Variants in ACSS3 observed in about 807,000 individuals in gnomAD.
The protein encoded by ACSS3 is acyl-CoA synthetase short-chain family member 3, mitochondrial.
ACSS3 carries 64 observed loss-of-function variants against 84.2 expected under a neutral mutation model. That is an observed-to-expected ratio of 0.76 (90% CI 0.62 to 0.94). The LOEUF (loss-of-function observed/expected upper bound fraction) is 0.94. Among genes scored for constraint, ACSS3 ranks in the 40% least tolerant of loss-of-function variants. The pLI is 0.00. For missense variants in ACSS3, 815 were observed against 867.6 expected (o/e 0.94, Z 0.76); for synonymous variants, 317 against 310.1 (o/e 1.02, Z -0.23).
At chr12:81,176,690 A>G (rs1389041162) in intron 8 of ACSS3, among the ~76,000 whole-genome samples, 1 of 152,108 alleles carries the variant, frequency 6.6e-6, no homozygotes, top group Admixed American at 6.5e-5. Context: ...AAACCTACCA[A>G]CCAGAAAAAG....
chr12:81,157,784 G>C (rs200515998), intron 7 of ACSS3, among the ~76,000 whole-genome samples: 4 of 151,994 alleles, frequency 2.6e-5, no homozygotes, highest in African/African-American at 9.7e-5. Context: ...TCCAGCCTGG[G>C]CAACAGAGCA....
chr12:81,092,185 A>G (rs1041857880), intron 1 of ACSS3, among the ~76,000 whole-genome samples: 3 of 152,092 alleles, frequency 2.0e-5, no homozygotes, highest in African/African-American at 4.8e-5. Flanking sequence ...TTGTTAATGC[A>G]TTTGTTTCTT....
chr12:81,213,348 T>C (rs982643509), intron 9 of ACSS3, among the ~76,000 whole-genome samples: 1 of 152,088 alleles, frequency 6.6e-6, no homozygotes, highest in Admixed American at 6.5e-5. Context: ...TGAGGAAATA[T>C]GTATATGTTT....
intron 1 of ACSS3, among the ~76,000 whole-genome samples, chr12:81,083,897 G>A (rs1055332488): frequency 6.6e-6 from 1 of 152,010 alleles, no homozygotes; most frequent in Non-Finnish European, 1.5e-5. Context: ...TTGATCTAGG[G>A]AGTCAGAGCC....
intron 4 of ACSS3, among the ~76,000 whole-genome samples, chr12:81,141,942 C>A (rs1012701298): frequency 6.6e-6 from 1 of 152,114 alleles, no homozygotes; most frequent in Non-Finnish European, 1.5e-5. Flanking sequence ...AATGTGTTAG[C>A]TATAAATGTG....
chr12:81,221,951 C>T (rs1421327177), intron 11 of ACSS3, among the ~76,000 whole-genome samples: 1 of 152,042 alleles, frequency 6.6e-6, no homozygotes, highest in African/African-American at 2.4e-5. Flanking sequence ...TTTTAAACTC[C>T]TCATGGGTTT....
At position 81,249,492 on chromosome 12, in the gene ACSS3, C is replaced by G. The variant is rs144385564; in HGVS notation, c.1720-3815C>G. Among the ~76,000 whole-genome samples the G allele has an allele frequency of 1.6e-3, 240 of 152,156 alleles. 2 individuals are homozygous for G. The highest frequency in any genetic ancestry group is 5.6e-3 in the African/African-American group (232 of 41,550). On this transcript the variant is annotated intron_variant, in intron 13 of 15. Coordinates refer to ENST00000548058, the MANE Select transcript of ACSS3 (RefSeq NM_024560.4). ...GCCTTTTGCCTTTTTGAGGGTTGTT[C>G]TAACCAAAGTGTCACTATTTGTTTT...
chr12:81,187,303 A>C (rs1263213408), intron 8 of ACSS3, among the ~76,000 whole-genome samples: 1 of 151,838 alleles, frequency 6.6e-6, no homozygotes, highest in Non-Finnish European at 1.5e-5. Flanking sequence ...TCTAGTGTAC[A>C]ACATATAACT....
chr12:81,166,228 G>A (rs1432994395), intron 7 of ACSS3, among the ~76,000 whole-genome samples: 1 of 152,158 alleles, frequency 6.6e-6, no homozygotes, highest in Admixed American at 6.5e-5. Flanking sequence ...AAGGAGGTTA[G>A]GGTGTCAGGT....
intron 9 of ACSS3, among the ~76,000 whole-genome samples, chr12:81,200,306 A>G (rs1053996316): frequency 6.6e-6 from 1 of 152,154 alleles, no homozygotes; most frequent in Admixed American, 6.5e-5. Flanking sequence ...TACAACCTTT[A>G]TATGTACATA....
At chr12:81,221,664 C>A (rs564377319) in intron 11 of ACSS3, among the ~76,000 whole-genome samples, 1 of 152,018 alleles carries the variant, frequency 6.6e-6, no homozygotes, top group Non-Finnish European at 1.5e-5. Flanking sequence ...CATTTGTATT[C>A]GCAGTTCTCT....
Position 81,252,219 on chromosome 12 carries a change from T to A in ACSS3, c.1720-1088T>A, listed in dbSNP as rs1425228604. On this transcript the variant is annotated intron_variant, in intron 13 of 15. Transcript: ENST00000548058. ...TTTCTGCAAAATTGGTTGCTTTTGC[T>A]GTATCTTTCATATAAAAAAAATTCC... Among the ~76,000 whole-genome samples, 3 of 152,164 alleles carry A rather than the reference T, an allele frequency of 2.0e-5. No homozygotes were observed. In the South Asian group the frequency reaches 6.2e-4, roughly 31 times the overall value.
rs1003395085 is a variant in ACSS3, at chr12:81,257,392, T to G, written c.*2470T>G. ...TTTTACTACTAACCATAAATCACTT[T>G]TGCTAGATAGTACTTTAAAGATTCT... On this transcript the variant is annotated 3_prime_UTR_variant, in exon 16 of 16. Coordinates refer to ENST00000548058, the MANE Select transcript of ACSS3 (RefSeq NM_024560.4). The G allele has an allele frequency of 3.3e-5, 5 of 152,160 alleles. No individual in the cohort carries two copies. The highest frequency in any genetic ancestry group is 1.2e-4 in the African/African-American group (5 of 41,456). 9.4% of individuals were successfully genotyped at this position (152,160 alleles called of 1,614,324 possible).
chr12:81,163,016 G>T (rs952581253), intron 7 of ACSS3, among the ~76,000 whole-genome samples: 7 of 152,034 alleles, frequency 4.6e-5, no homozygotes, highest in Admixed American at 6.5e-5. Context: ...AGGGATGGCT[G>T]GGTGGCTGCA....
At chr12:81,164,023 T>G (rs1365007702) in intron 7 of ACSS3, among the ~76,000 whole-genome samples, 2 of 152,196 alleles carry the variant, frequency 1.3e-5, no homozygotes, top group Admixed American at 6.5e-5. Context: ...TTATACAATA[T>G]GTAGTATTGT....
chr12:81,220,037 A>G lies in ACSS3; in HGVS notation c.1475A>G (p.Gln492Arg). The G allele has an allele frequency of 6.5e-7, 1 of 1,543,258 alleles. No homozygotes were observed. Among genetic ancestry groups the G allele is most frequent in the South Asian group, 1.3e-5 (1 of 76,758 alleles). The stretch of plus-strand genomic sequence containing the variant: ...GTTATGATTTTGGATGACAACATGC[A>G]AAAACTGAAGGCTCGGTGTTTAGGA... ...YNVMILDDNM[Q>R]KLKARCLGNI... The change falls in exon 11 of 16, where the codon CAA (glutamine) becomes CGA (arginine). Residue 492 changes from glutamine (Q) to arginine (R), a missense_variant. Coordinates refer to ENST00000548058, the MANE Select transcript of ACSS3 (RefSeq NM_024560.4).
chr12:81,199,553 G>C, intron 9 of ACSS3, 109 bp downstream of exon 9: 1 of 1,452,200 alleles, frequency 6.9e-7, no homozygotes, highest in Non-Finnish European at 9.4e-7. Flanking sequence ...ACAAACTCGG[G>C]ATTCGAGTGG....
At chr12:81,248,651 G>C (rs139113933) in intron 13 of ACSS3, among the ~76,000 whole-genome samples, 1 of 151,948 alleles carries the variant, frequency 6.6e-6, no homozygotes, top group Non-Finnish European at 1.5e-5. Flanking sequence ...CAGTAGCAAA[G>C]TAGAGTGTCT....
At chr12:81,129,099 C>A (rs1432638428) in intron 2 of ACSS3, among the ~76,000 whole-genome samples, 3 of 152,086 alleles carry the variant, frequency 2.0e-5, no homozygotes, top group Non-Finnish European at 4.4e-5. Flanking sequence ...GCAGCTGAAA[C>A]AAGCAAGGCC....
Sources: allele counts gnomAD v4.1 joint callset (sites outside exome capture counted in the v4.1 genomes callset), GRCh38; gene constraint gnomAD v4.1.1; transcripts MANE v1.5; gene names NCBI Gene and HGNC (gene_info 2026-07-23, HGNC 2026-07-21).